NANP: variants seen among roughly 807,000 people sequenced by gnomAD.
NANP encodes the protein N-acetylneuraminic acid phosphatase, also known as N-acylneuraminate-9-phosphatase.
A neutral mutation model predicts 16.9 loss-of-function variants in NANP; 15 were observed. The observed-to-expected ratio is 0.89, with a 90% CI of 0.59 to 1.37. The LOEUF is 1.37. Among genes scored for constraint, NANP ranks in the 40% most tolerant of loss-of-function variants. The pLI, the probability that NANP is intolerant of heterozygous loss-of-function variation, is 0.00. For missense variants in NANP, 290 were observed against 303.5 expected (o/e 0.96, Z 0.33); for synonymous variants, 135 against 112.6 (o/e 1.20, Z -1.26).
chr20:25,620,731 T>C (rs2065361192), intron 1 of NANP, among the ~76,000 whole-genome samples: 3 of 152,194 alleles, frequency 2.0e-5, no homozygotes, highest in African/African-American at 7.2e-5. Context: ...GAGTGTCCAA[T>C]CCAGAGATTC....
chr20:25,621,274 A>C (rs574567140), intron 1 of NANP, among the ~76,000 whole-genome samples: 2 of 152,212 alleles, frequency 1.3e-5, no homozygotes, highest in South Asian at 4.1e-4. Context: ...TTTTTCTATC[A>C]CACCTGTAAA....
intron 1 of NANP, among the ~76,000 whole-genome samples, chr20:25,621,625 G>T (rs1421192674): frequency 6.6e-6 from 1 of 152,186 alleles, no homozygotes; most frequent in Non-Finnish European, 1.5e-5. Flanking sequence ...CGCGATCTCG[G>T]CTCACTGCAA....
intron 1 of NANP, among the ~76,000 whole-genome samples, chr20:25,618,760 C>T (rs1442412810): frequency 6.6e-6 from 1 of 152,144 alleles, no homozygotes; most frequent in Admixed American, 6.5e-5. Context: ...GTTCTGTGTA[C>T]TGTCCCCCAG....
intron 1 of NANP, among the ~76,000 whole-genome samples, chr20:25,617,562 G>A (rs927776523): frequency 6.6e-5 from 10 of 152,148 alleles, no homozygotes; most frequent in African/African-American, 2.2e-4. Context: ...TGTTGCCCAG[G>A]CTGGAGTGCA....
At position 25,620,739 on chromosome 20, in the gene NANP, T is replaced by A. The variant is rs554766089; in HGVS notation, c.90+3120A>T. ...AGTCCAGGAGTGTCCAATCCAGAGA[T>A]TCATTCCTTATTTATGAGGAGGATC... On this transcript the variant is annotated intron_variant, in intron 1 of 1. Coordinates refer to ENST00000304788, the MANE Select transcript of NANP (RefSeq NM_152667.3). Among the ~76,000 whole-genome samples, 16 of 152,162 alleles carry A rather than the reference T, an allele frequency of 1.1e-4. No individual in the cohort carries two copies. In the South Asian group the frequency reaches 3.3e-3, roughly 32 times the overall value.
At chr20:25,617,006 T>G (rs2122204470) in intron 1 of NANP, among the ~76,000 whole-genome samples, 1 of 152,236 alleles carries the variant, frequency 6.6e-6, no homozygotes, top group Non-Finnish European at 1.5e-5. Flanking sequence ...GAGCAACATA[T>G]CGAGACCCCA....
intron 1 of NANP, among the ~76,000 whole-genome samples, chr20:25,619,248 C>T (rs1359303666): frequency 1.3e-5 from 2 of 151,688 alleles, no homozygotes; most frequent in East Asian, 1.9e-4. Flanking sequence ...TTCAGTCCCC[C>T]GAATAGCTAG....
chr20:25,619,895 C>A (rs1039858163), intron 1 of NANP, among the ~76,000 whole-genome samples: 25 of 152,172 alleles, frequency 1.6e-4, no homozygotes, highest in African/African-American at 6.0e-4. Context: ...TAAGCACATT[C>A]TTGGGGCTCT....
At chr20:25,623,042 A>C (rs1415158660) in intron 1 of NANP, among the ~76,000 whole-genome samples, 1 of 152,248 alleles carries the variant, frequency 6.6e-6, no homozygotes, top group Non-Finnish European at 1.5e-5. Flanking sequence ...TAACTGATGA[A>C]GCATGAAGAG....
At chr20:25,618,753 CT>C (rs2122206421) in intron 1 of NANP, among the ~76,000 whole-genome samples, 1 of 152,240 alleles carries the variant, frequency 6.6e-6, no homozygotes, top group East Asian at 1.9e-4. Flanking sequence ...GAACCCTGTT[CT>C]GTGTACTGTC....
At chr20:25,617,742 C>G (rs1017578288) in intron 1 of NANP, among the ~76,000 whole-genome samples, 15 of 152,148 alleles carry the variant, frequency 9.9e-5, no homozygotes, top group Non-Finnish European at 1.6e-4. Flanking sequence ...GCCTCGAACT[C>G]TTGACCCCAA....
chr20:25,616,201 A>G lies in NANP; in HGVS notation c.471T>C (p.Gly157=), dbSNP rs780424048. 2.5e-6 allele frequency: 4 copies of G among 1,613,956 alleles called. No individual in the cohort carries two copies. Among genetic ancestry groups the G allele is most frequent in the Non-Finnish European group, 3.4e-6 (4 of 1,180,012 alleles). The part of the protein sequence containing the change: ...CQSYFDAVVV[G]GEQREEKPAP... ...CTGGTTTCTCCTCTCTCTGCTCTCCACCTACAACAACAGCGTCAAAATAGG... is the reference window on the plus strand; with the variant it reads ...CTGGTTTCTCCTCTCTCTGCTCTCCGCCTACAACAACAGCGTCAAAATAGG... The change falls in exon 2 of 2, where the codon GGT becomes GGC. Residue 157 remains glycine, a synonymous_variant. Coordinates refer to ENST00000304788, the MANE Select transcript of NANP (RefSeq NM_152667.3).
At chr20:25,619,273 A>C (rs2065356062) in intron 1 of NANP, among the ~76,000 whole-genome samples, 1 of 152,058 alleles carries the variant, frequency 6.6e-6, no homozygotes, top group Non-Finnish European at 1.5e-5. Context: ...ACAACTGCAC[A>C]CCACCATACC....
Position 25,619,139 on chromosome 20 carries a change from TC to T in NANP, c.91-2559del, listed in dbSNP as rs1555882033. 3.0e-3 allele frequency among the ~76,000 whole-genome samples: 447 copies of T among 148,610 alleles called. 3 individuals are homozygous for T. The highest frequency in any genetic ancestry group is 7.1e-3 in the Middle Eastern group (2 of 282). The stretch of plus-strand genomic sequence containing the variant: ...AAAGGGTCTTTTTTTTTTTTTTTTT[TC>T]CCCAAACAGGATCTTGCTCTGTTAC... On this transcript the variant is annotated intron_variant, in intron 1 of 1. Coordinates refer to ENST00000304788, the MANE Select transcript of NANP (RefSeq NM_152667.3).
At chr20:25,622,024 G>A (rs1039357214) in intron 1 of NANP, among the ~76,000 whole-genome samples, 1 of 152,236 alleles carries the variant, frequency 6.6e-6, no homozygotes, top group Non-Finnish European at 1.5e-5. Context: ...CTATTTAGTA[G>A]TAGGCACCTG....
intron 1 of NANP, among the ~76,000 whole-genome samples, chr20:25,616,920 C>T (rs1487452611): frequency 1.3e-5 from 2 of 152,120 alleles, no homozygotes; most frequent in Non-Finnish European, 2.9e-5. Context: ...GGCATGGTGG[C>T]TCATGCCTGT....
chr20:25,613,407 C>A lies in NANP; in HGVS notation c.*2518G>T. ...ACCTCCCCACCAGGTGCTGGTATTCCAGGTGCAGTGTCCATTCATGTCTGT... is the reference window on the plus strand; with the variant it reads ...ACCTCCCCACCAGGTGCTGGTATTCAAGGTGCAGTGTCCATTCATGTCTGT... On this transcript the variant is annotated 3_prime_UTR_variant, in exon 2 of 2. Transcript: ENST00000304788. 1 of 155,266 alleles carries A rather than the reference C, an allele frequency of 6.4e-6. No homozygotes were observed. Among genetic ancestry groups the A allele is most frequent in the Non-Finnish European group, 1.4e-5 (1 of 70,208 alleles). 9.6% of individuals were successfully genotyped at this position (155,266 alleles called of 1,614,324 possible).
intron 1 of NANP, among the ~76,000 whole-genome samples, chr20:25,616,908 C>G (rs1201409897): frequency 6.6e-6 from 1 of 152,056 alleles, no homozygotes; most frequent in Admixed American, 6.6e-5. Context: ...CTTTTTGGGC[C>G]GGGCATGGTG....
chr20:25,615,486 C>T lies in NANP; in HGVS notation c.*439G>A, dbSNP rs2065339233. 1 of 154,388 alleles carries T rather than the reference C, an allele frequency of 6.5e-6. No individual in the cohort carries two copies. Among genetic ancestry groups the T allele is most frequent in the African/African-American group, 2.4e-5 (1 of 41,490 alleles). 9.6% of individuals were successfully genotyped at this position (154,388 alleles called of 1,614,324 possible). On this transcript the variant is annotated 3_prime_UTR_variant, in exon 2 of 2. Coordinates refer to ENST00000304788, the MANE Select transcript of NANP (RefSeq NM_152667.3). The stretch of plus-strand genomic sequence containing the variant: ...ATTTCATATTAACCAGATTCACTTG[C>T]TTTCATAAATCTGTGTTTTAGAAAA...
Sources: allele counts gnomAD v4.1 joint callset (sites outside exome capture counted in the v4.1 genomes callset), GRCh38; gene constraint gnomAD v4.1.1; transcripts MANE v1.5; gene names NCBI Gene and HGNC (gene_info 2026-07-23, HGNC 2026-07-21).